Variants in MICAL3 observed in about 807,000 individuals in gnomAD.
The protein encoded by MICAL3 is microtubule associated monooxygenase, calponin and LIM domain containing 3.
MICAL3 carries 62 observed loss-of-function variants against 207.4 expected under a neutral mutation model. The ratio of observed to expected loss-of-function variants is 0.30; its 90% CI spans 0.24 to 0.37. The LOEUF is 0.37. Among genes scored for constraint, MICAL3 ranks in the 10% least tolerant of loss-of-function variants. The pLI is 1.00. For missense variants in MICAL3, 2,368 were observed against 2,635.6 expected, an observed-to-expected ratio of 0.90 and a Z score of 2.22; for synonymous variants, 1,077 against 1,069.3, an observed-to-expected ratio of 1.01 and a Z score of -0.14.
chr22:17,833,878 C>G (rs1410690839), intron 20 of MICAL3, among the ~76,000 whole-genome samples: 3 of 152,174 alleles, frequency 2.0e-5, no homozygotes, highest in Non-Finnish European at 4.4e-5. Context: ...TACAGCTGTC[C>G]TGGCCCCACA....
In MICAL3 at chr22:17,801,355, G is replaced by A. The variant is rs1486986313; in HGVS notation, c.5650+7489C>T. On this transcript the variant is annotated intron_variant, in intron 29 of 31. Coordinates refer to ENST00000441493, the MANE Select transcript of MICAL3 (RefSeq NM_015241.3). The stretch of plus-strand genomic sequence containing the variant: ...TTTTTAGTAGAGACGGGGTTTCACC[G>A]TTTTAGCCGGGATGGTCTCGATCTC... Among the ~76,000 whole-genome samples, 5 of 63,866 alleles carry A rather than the reference G, an allele frequency of 7.8e-5. 1 individual carries two copies. The highest frequency in any genetic ancestry group is 8.8e-4 in the East Asian group (2 of 2,268). 41.9% of individuals were successfully genotyped at this position (63,866 alleles called of 152,430 possible).
At chr22:17,909,060 T>C (rs1931948534) in intron 1 of MICAL3, among the ~76,000 whole-genome samples, 1 of 152,170 alleles carries the variant, frequency 6.6e-6, no homozygotes, top group South Asian at 2.1e-4. Flanking sequence ...TGAGAGAAAG[T>C]TGTAACTAAA....
chr22:17,797,365 G>A (rs2061887505), intron 29 of MICAL3, among the ~76,000 whole-genome samples: 1 of 152,166 alleles, frequency 6.6e-6, no homozygotes, highest in Non-Finnish European at 1.5e-5. Context: ...GGTAGTGTGA[G>A]TATCTATAGT....
Position 17,808,847 on chromosome 22 carries a change from C to T in MICAL3, c.5647G>A (p.Ala1883Thr). 1 of 1,552,254 alleles carries T rather than the reference C, an allele frequency of 6.4e-7. No individual in the cohort carries two copies. Among genetic ancestry groups the T allele is most frequent in the Non-Finnish European group, 8.7e-7 (1 of 1,147,610 alleles). Residue 1883 changes from alanine (A) to threonine (T), a missense_variant, in exon 29 of 32, where the codon GCA becomes ACA. Ala to Thr is a moderately conservative substitution (Grantham distance 58). Coordinates refer to ENST00000441493, the MANE Select transcript of MICAL3 (RefSeq NM_015241.3). ...TTAGGAGGGAGCCCGGCAGTACCTG[C>T]TTCGCCCCGGAGCGCCTTCTCCACA... Reference protein sequence around the residue: ...VAVEKALRGEAGMGKKDDPKL... With the variant: ...VAVEKALRGETGMGKKDDPKL...
At chr22:17,821,692 G>A (rs1921664509) in intron 24 of MICAL3, among the ~76,000 whole-genome samples, 183 bp from the exon 25 acceptor site, 1 of 152,206 alleles carries the variant, frequency 6.6e-6, no homozygotes. Flanking sequence ...GTCTTCCCGG[G>A]GCTGCCCGGC....
chr22:17,818,366 C>A lies in MICAL3; in HGVS notation c.4295G>T (p.Gly1432Val). 6.2e-7 allele frequency: 1 copy of A among 1,602,158 alleles called. No individual in the cohort carries two copies. Residue 1432 changes from glycine (G) to valine (V), a missense_variant, in exon 26 of 32, where the codon GGG (glycine) becomes GTG (valine). By Grantham distance (109) the Gly-to-Val change is moderately radical. This residue lies in a region of MICAL3 where 1,770 missense variants were observed against 1,863.2 expected (regional missense o/e 0.95). Coordinates refer to ENST00000441493, the MANE Select transcript of MICAL3 (RefSeq NM_015241.3). ...LSSSSGLGLH[G>V]SSSNMKTLGS... ...CAGTGTCTTCATGTTGGAGGAGCTC[C>A]CGTGCAGGCCCAGGCCAGAGCTGCT...
intron 1 of MICAL3, among the ~76,000 whole-genome samples, chr22:17,939,791 G>A (rs927965598): frequency 2.6e-5 from 4 of 152,086 alleles, no homozygotes; most frequent in Non-Finnish European, 5.9e-5. Flanking sequence ...CTCCTCTACA[G>A]CAAATAGTCT....
chr22:17,916,055 C>CA (rs755146574), intron 1 of MICAL3, among the ~76,000 whole-genome samples: 11,423 of 55,836 alleles, frequency 0.2, 1,061 homozygotes, highest in Non-Finnish European at 0.28. Context: ...GATCCAGTCT[C>CA]AAAAAAAAAA....
chr22:17,944,112 ATG>A (rs67560518), intron 1 of MICAL3, among the ~76,000 whole-genome samples: 9,923 of 152,038 alleles, frequency 0.065, 530 homozygotes, highest in African/African-American at 0.15. Flanking sequence ...ACCTGAGTGC[ATG>A]TGTGTGTGTG....
intron 1 of MICAL3, among the ~76,000 whole-genome samples, chr22:17,950,481 A>T (rs1295772209): frequency 6.6e-6 from 1 of 151,804 alleles, no homozygotes; most frequent in Non-Finnish European, 1.5e-5. Flanking sequence ...CTGGGACTAC[A>T]GGTGCCCACC....
intron 1 of MICAL3, among the ~76,000 whole-genome samples, chr22:17,949,603 A>C (rs984345236): frequency 6.6e-6 from 1 of 152,172 alleles, no homozygotes; most frequent in African/African-American, 2.4e-5. Flanking sequence ...ATAAGCGTGC[A>C]TGCCACATCT....
At chr22:17,970,871 C>T (rs1052034041) in intron 1 of MICAL3, among the ~76,000 whole-genome samples, 2 of 152,152 alleles carry the variant, frequency 1.3e-5, no homozygotes, top group Admixed American at 1.3e-4. Context: ...CTAAACTGTG[C>T]CCTGTGAGCT....
At chr22:17,891,693 T>G in intron 11 of MICAL3, 61 bp from the exon 12 acceptor site, 1 of 1,534,466 alleles carries the variant, frequency 6.5e-7, no homozygotes, top group Non-Finnish European at 9.0e-7. Context: ...TGACAGAGAA[T>G]CCTCTTTGTA....
In MICAL3 at chr22:17,871,839, T is replaced by C. The variant is rs1448074762; in HGVS notation, c.2426A>G (p.Asp809Gly). The change falls in exon 17 of 32, where the codon GAT becomes GGT. Residue 809 changes from aspartate to glycine, a missense_variant and splice_region_variant. By Grantham distance (94) the Asp-to-Gly change is moderately conservative. This residue lies in a region of MICAL3 where 1,770 missense variants were observed against 1,863.2 expected (regional missense o/e 0.95). Transcript: ENST00000441493. Reference sequence around the variant, plus strand: ...GCCGGAGGCGCAGGGTGTCTCACCATCCTCGATGTCGTAGGCGTAGGCCGA... The same window carrying C: ...GCCGGAGGCGCAGGGTGTCTCACCACCCTCGATGTCGTAGGCGTAGGCCGA... ...RLSAYAYDIEDGKFYCKPHYC... is the reference protein window; with the variant it reads ...RLSAYAYDIEGGKFYCKPHYC... The C allele has an allele frequency of 1.9e-6, 3 of 1,602,364 alleles. No individual in the cohort carries two copies. Among genetic ancestry groups the C allele is most frequent in the Non-Finnish European group, 1.7e-6 (2 of 1,174,424 alleles).
intron 21 of MICAL3, 121 bp from the exon 22 acceptor site, chr22:17,827,902 A>T: frequency 9.2e-7 from 1 of 1,087,116 alleles, no homozygotes; most frequent in South Asian, 1.6e-5. Flanking sequence ...AATCAGAAAG[A>T]AGTAAAAATT....
chr22:17,981,977 T>C (rs1935927842), intron 1 of MICAL3, among the ~76,000 whole-genome samples: 1 of 152,022 alleles, frequency 6.6e-6, no homozygotes, highest in African/African-American at 2.4e-5. Flanking sequence ...TAGTGGTGCT[T>C]GCCTGTAGCC....
chr22:17,799,233 T>C (rs145888083), intron 29 of MICAL3, among the ~76,000 whole-genome samples: 2,535 of 152,122 alleles, frequency 0.017, 33 homozygotes, highest in Non-Finnish European at 0.026. Context: ...AAACACAAAA[T>C]TAGCTGGGTG....
chr22:17,926,825 C>T (rs1453152333), intron 1 of MICAL3, among the ~76,000 whole-genome samples: 1 of 152,210 alleles, frequency 6.6e-6, no homozygotes, highest in Admixed American at 6.5e-5. Context: ...TCCTTTCTAA[C>T]GTCACTGCAT....
At chr22:17,992,011 C>A (rs1449107908) in intron 1 of MICAL3, among the ~76,000 whole-genome samples, 1 of 152,164 alleles carries the variant, frequency 6.6e-6, no homozygotes, top group Non-Finnish European at 1.5e-5. Flanking sequence ...TGAGGCGCCT[C>A]CATGCCCAGG....
Sources: gnomAD v4.1 joint callset for allele counts (sites outside exome capture counted in the v4.1 genomes callset) on GRCh38, gnomAD v4.1.1 for gene constraint, gnomAD v4.1.1 regional missense constraint, MANE v1.5 for transcripts, NCBI Gene and HGNC (gene_info 2026-07-23, HGNC 2026-07-21) for gene names.